The following COBLL1 variants were observed in gnomAD, a reference collection of about 807,000 sequenced individuals.
COBLL1 encodes cordon-bleu protein-like 1.
A neutral mutation model predicts 94.8 loss-of-function variants in COBLL1; 50 were observed. The observed-to-expected ratio is 0.53, with a 90% CI of 0.42 to 0.67. The LOEUF is 0.67. Among genes scored for constraint, COBLL1 ranks in the 30% least tolerant of loss-of-function variants. COBLL1 has a pLI of 0.00. For missense variants in COBLL1, 1,362 were observed against 1,348.7 expected, an observed-to-expected ratio of 1.01 and a Z score of -0.15; for synonymous variants, 448 against 473.8, an observed-to-expected ratio of 0.95 and a Z score of 0.71.
In COBLL1 at chr2:164,685,772, T is replaced by C. The variant is rs1272202771; in HGVS notation, c.*174A>G. ...CAAAAAAAAGATCAAAAAATTACTA[T>C]AAATTATAAATTCTGGTAACTTTTC... On this transcript the variant is annotated 3_prime_UTR_variant, in exon 14 of 14. Transcript: ENST00000652658. 7.5e-6 allele frequency: 3 copies of C among 399,740 alleles called. No homozygotes were observed. Among genetic ancestry groups the C allele is most frequent in the Non-Finnish European group, 8.9e-6 (2 of 224,486 alleles). The allele number at this position is 399,740 out of a possible 1,614,324, so 24.8% of individuals were successfully genotyped here.
intron 2 of COBLL1, among the ~76,000 whole-genome samples, chr2:164,809,973 T>A (rs1684381122): frequency 6.6e-6 from 1 of 151,920 alleles, no homozygotes; most frequent in South Asian, 2.1e-4. Flanking sequence ...TAAAAAATCA[T>A]CTATCTTCTT....
intron 1 of COBLL1, among the ~76,000 whole-genome samples, chr2:164,674,657 G>T (rs553769247): frequency 1.1e-4 from 17 of 152,282 alleles, no homozygotes; most frequent in Non-Finnish European, 1.8e-4. Flanking sequence ...ATGGATTGGG[G>T]ATAGAGGGCA....
At position 164,705,036 on chromosome 2, in the gene COBLL1, A is replaced by G. The variant is rs1013345051; in HGVS notation, c.1066T>C (p.Ser356Pro). ...GCTTTTCGCTTTGTCCTTCTCAAAG[A>G]TGAATTCCCTGCAGACATGCTGCTG... ...QLSSMSAGNS[S>P]LRRTKRKAPS... The change falls in exon 8 of 14, where the codon TCT (serine) becomes CCT (proline). Residue 356 changes from serine (S) to proline (P), a missense_variant. By Grantham distance (74) the Ser-to-Pro change is moderately conservative (BLOSUM62 -1). Transcript: ENST00000652658. 1 of 1,603,994 alleles carries G rather than the reference A, an allele frequency of 6.2e-7. No homozygotes were observed. Among genetic ancestry groups the G allele is most frequent in the Admixed American group, 1.7e-5 (1 of 58,340 alleles).
chr2:164,804,855 T>TC (rs1684008245), intron 2 of COBLL1, among the ~76,000 whole-genome samples: 1 of 152,132 alleles, frequency 6.6e-6, no homozygotes, highest in East Asian at 1.9e-4. Context: ...ACAGCCCAAC[T>TC]CCAACACCAC....
At chr2:164,700,182 T>C (rs1684173918) in intron 10 of COBLL1, among the ~76,000 whole-genome samples, 1 of 152,122 alleles carries the variant, frequency 6.6e-6, no homozygotes, top group African/African-American at 2.4e-5. Flanking sequence ...CCACCAGGAA[T>C]ACTTGGTAAA....
At chr2:164,820,808 T>C (rs542648860) in intron 2 of COBLL1, among the ~76,000 whole-genome samples, 5 of 152,144 alleles carry the variant, frequency 3.3e-5, no homozygotes, top group Non-Finnish European at 7.4e-5. Context: ...ATTCCTTAAA[T>C]AAGAAAAAGT....
intron 2 of COBLL1, among the ~76,000 whole-genome samples, chr2:164,663,847 T>C (rs1691107591): frequency 1.3e-5 from 2 of 152,202 alleles, no homozygotes; most frequent in African/African-American, 4.8e-5. Flanking sequence ...TTGGGTACTA[T>C]GTTCACTATT....
intron 3 of COBLL1, among the ~76,000 whole-genome samples, chr2:164,739,079 A>G (rs1426644116): frequency 6.6e-6 from 1 of 152,152 alleles, no homozygotes; most frequent in Non-Finnish European, 1.5e-5. Flanking sequence ...TCAGGTTAGC[A>G]TGGCAACCCC....
At chr2:164,658,096 A>AT (rs1393661041) in intron 2 of COBLL1, among the ~76,000 whole-genome samples, 1 of 152,136 alleles carries the variant, frequency 6.6e-6, no homozygotes, top group African/African-American at 2.4e-5. Flanking sequence ...TTGTTGCCTA[A>AT]TTAGCATTTT....
chr2:164,727,903 C>T, intron 5 of COBLL1, 66 bp downstream of exon 5: 1 of 1,120,612 alleles, frequency 8.9e-7, no homozygotes, highest in Non-Finnish European at 1.3e-6. Flanking sequence ...TTCACACAAA[C>T]ACAATGCACA....
intron 3 of COBLL1, 140 bp downstream of exon 3, chr2:164,743,547 T>A (rs2105560944): frequency 1.5e-6 from 1 of 678,986 alleles, no homozygotes; most frequent in African/African-American, 1.8e-5. Context: ...ATTTTAGCAG[T>A]CTTTTTTTTT....
At chr2:164,801,106 T>C (rs114476155) in intron 2 of COBLL1, among the ~76,000 whole-genome samples, 2,351 of 152,186 alleles carry the variant, frequency 0.015, 29 homozygotes, top group South Asian at 0.028. Flanking sequence ...AAGACCAGCC[T>C]GGGGAACATA....
At chr2:164,834,630 G>A (rs1484026128) in intron 2 of COBLL1, among the ~76,000 whole-genome samples, 1 of 152,216 alleles carries the variant, frequency 6.6e-6, no homozygotes, top group Admixed American at 6.5e-5. Flanking sequence ...AACTTTGTCT[G>A]TGTAGAGCCA....
chr2:164,663,501 C>A (rs1691102780), intron 2 of COBLL1, among the ~76,000 whole-genome samples: 1 of 152,034 alleles, frequency 6.6e-6, no homozygotes, highest in Admixed American at 6.6e-5. Context: ...ATTGTTCTAC[C>A]AACAACTATG....
intron 5 of COBLL1, chr2:164,724,928 A>G (rs1048924277): frequency 6.6e-6 from 1 of 151,820 alleles, no homozygotes; most frequent in Non-Finnish European, 1.5e-5. Context: ...CATTCTGCAC[A>G]ATGAGTTTGA....
In COBLL1 at chr2:164,700,050, T is replaced by C. The variant is rs547542987; in HGVS notation, c.1460+472A>G. ...ACCTAAGTGGACTAGACTATAGCTGTCTGTTTCTAGAATAAAGCAGAAAGT... is the reference window on the plus strand; with the variant it reads ...ACCTAAGTGGACTAGACTATAGCTGCCTGTTTCTAGAATAAAGCAGAAAGT... On this transcript the variant is annotated intron_variant, in intron 10 of 13. Coordinates refer to ENST00000652658, the MANE Select transcript of COBLL1 (RefSeq NM_001365672.2). 4.6e-5 allele frequency among the ~76,000 whole-genome samples: 7 copies of C among 152,200 alleles called. No homozygotes were observed. The South Asian group carries it at 1.4e-3, about 32-fold the overall frequency.
intron 2 of COBLL1, among the ~76,000 whole-genome samples, chr2:164,818,192 G>A (rs1404699838): frequency 4.3e-5 from 6 of 138,772 alleles, no homozygotes; most frequent in African/African-American, 8.1e-5. Context: ...GTATATATAC[G>A]TATGTATACA....
chr2:164,823,186 A>T (rs1259660936), intron 2 of COBLL1, among the ~76,000 whole-genome samples: 1 of 152,204 alleles, frequency 6.6e-6, no homozygotes, highest in East Asian at 1.9e-4. Flanking sequence ...TCATGTTTTC[A>T]TTACGAGCAG....
chr2:164,802,184 T>C (rs1164186923), intron 2 of COBLL1, among the ~76,000 whole-genome samples: 1 of 152,214 alleles, frequency 6.6e-6, no homozygotes, highest in Non-Finnish European at 1.5e-5. Context: ...AAGAAAAGTG[T>C]ATTTGTAGAG....
Sources: gnomAD v4.1 joint callset for allele counts (sites outside exome capture counted in the v4.1 genomes callset) on GRCh38, gnomAD v4.1.1 for gene constraint, MANE v1.5 for transcripts, NCBI Gene and HGNC (gene_info 2026-07-23, HGNC 2026-07-21) for gene names.